The following AP2B1 variants were observed in gnomAD, a reference collection of about 807,000 sequenced individuals.
AP2B1 encodes adaptor related protein complex 2 subunit beta 1, also known as AP-2 complex subunit beta.
Under a neutral mutation model 102.0 loss-of-function variants are expected in AP2B1, and 23 were observed. The observed-to-expected ratio is 0.23, with a 90% confidence interval of 0.16 to 0.32. AP2B1 has a LOEUF of 0.32. AP2B1 is among the 10% of genes least tolerant of loss of function. The pLI, the probability that AP2B1 is intolerant of heterozygous loss-of-function variation, is 1.00. For synonymous variants in AP2B1, 381 were observed against 421.2 expected (o/e 0.90, Z 1.17); for missense variants, 541 against 1,157.4 (o/e 0.47, Z 7.73).
At chr17:35,631,286 T>C (rs895508524) in intron 9 of AP2B1, among the ~76,000 whole-genome samples, 3 of 152,152 alleles carry the variant, frequency 2.0e-5, no homozygotes, top group African/African-American at 7.2e-5. Flanking sequence ...GAATAAAATA[T>C]TGGTTTGTGT....
At chr17:35,662,294 T>A (rs2075373610) in intron 14 of AP2B1, among the ~76,000 whole-genome samples, 1 of 151,712 alleles carries the variant, frequency 6.6e-6, no homozygotes, top group African/African-American at 2.4e-5. Flanking sequence ...TTATCGCATT[T>A]CAGCATATTC....
rs920241941 is a variant in AP2B1 at position 35,725,765 on chromosome 17, A to G, written c.*2066A>G. ...TAGTGTTCTCATCTCAAAGCAAACT[A>G]TCATTCCAGAAGGAAAAGTGTGTCA... On this transcript the variant is annotated 3_prime_UTR_variant, in exon 22 of 22. Coordinates refer to ENST00000610402, the MANE Select transcript of AP2B1 (RefSeq NM_001030006.2). 1.3e-5 allele frequency: 2 copies of G among 152,620 alleles called. No individual in the cohort carries two copies. The highest frequency in any genetic ancestry group is 6.5e-5 in the Admixed American group (1 of 15,284). 9.5% of individuals were successfully genotyped at this position (152,620 alleles called of 1,614,324 possible). A position where few individuals can be genotyped will look rare whatever the true frequency, so the allele number is the denominator to read the frequency against.
At chr17:35,606,982 C>T (rs1437515299) in intron 4 of AP2B1, among the ~76,000 whole-genome samples, 2 of 151,662 alleles carry the variant, frequency 1.3e-5, no homozygotes, top group East Asian at 3.9e-4. Flanking sequence ...CTCAGCTCAC[C>T]ACAACCTCCG....
chr17:35,715,747 C>T (rs372761631), intron 20 of AP2B1, among the ~76,000 whole-genome samples: 1 of 152,188 alleles, frequency 6.6e-6, no homozygotes, highest in African/African-American at 2.4e-5. Context: ...TAGATGTACC[C>T]TGAGATACAT....
At chr17:35,669,723 A>G (rs1043441333) in intron 14 of AP2B1, among the ~76,000 whole-genome samples, 1 of 152,230 alleles carries the variant, frequency 6.6e-6, no homozygotes, top group Non-Finnish European at 1.5e-5. Flanking sequence ...CTGTTCATTG[A>G]GAAGATAAAT....
chr17:35,658,023 TA>T (rs1393010305), intron 14 of AP2B1, among the ~76,000 whole-genome samples: 1 of 152,206 alleles, frequency 6.6e-6, no homozygotes, highest in Non-Finnish European at 1.5e-5. Context: ...GTCCTGCCTC[TA>T]AATAGAACTT....
intron 3 of AP2B1, among the ~76,000 whole-genome samples, chr17:35,602,275 G>A (rs576972684): frequency 2.6e-5 from 4 of 152,302 alleles, no homozygotes; most frequent in Admixed American, 1.3e-4. Context: ...AGGCACTGAA[G>A]TGTATATTTT....
At chr17:35,705,141 G>A (rs956454961) in intron 18 of AP2B1, among the ~76,000 whole-genome samples, 1 of 152,212 alleles carries the variant, frequency 6.6e-6, no homozygotes, top group Admixed American at 6.5e-5. Flanking sequence ...GAAATAGGCT[G>A]GAGAGGTAGT....
chr17:35,719,880 G>A (rs1183112854), intron 21 of AP2B1, among the ~76,000 whole-genome samples: 1 of 152,072 alleles, frequency 6.6e-6, no homozygotes. Flanking sequence ...TCCTGTAAGT[G>A]ACCTGAGATG....
intron 2 of AP2B1, among the ~76,000 whole-genome samples, chr17:35,596,246 G>C (rs553759924): frequency 2.3e-4 from 35 of 152,164 alleles, no homozygotes; most frequent in Non-Finnish European, 1.6e-4. Context: ...CACTGTTCCC[G>C]GAAGTGAATG....
At chr17:35,610,749 T>G (rs1418558024) in intron 5 of AP2B1, among the ~76,000 whole-genome samples, 1 of 151,494 alleles carries the variant, frequency 6.6e-6, no homozygotes, top group Non-Finnish European at 1.5e-5. Context: ...CTACTAAAAA[T>G]ACAAAAAATT....
intron 14 of AP2B1, among the ~76,000 whole-genome samples, chr17:35,662,242 A>G (rs547128614): frequency 6.6e-6 from 1 of 152,178 alleles, no homozygotes; most frequent in South Asian, 2.1e-4. Context: ...ATGGATTTCT[A>G]CCTATTCTTT....
At chr17:35,596,987 G>A (rs1480527466) in intron 2 of AP2B1, 1 of 658,800 alleles carries the variant, frequency 1.5e-6, no homozygotes, top group Non-Finnish European at 2.9e-6. Context: ...CTTTCGGAGA[G>A]GAGCCTGGCG....
chr17:35,640,992 T>C (rs918207641), intron 11 of AP2B1, among the ~76,000 whole-genome samples: 3 of 152,316 alleles, frequency 2.0e-5, no homozygotes, highest in Middle Eastern at 3.4e-3. Flanking sequence ...TATTAAGCCC[T>C]TTTTTCTTGG....
At chr17:35,596,725 C>T (rs117098362) in intron 2 of AP2B1, among the ~76,000 whole-genome samples, 2,675 of 152,210 alleles carry the variant, frequency 0.018, 31 homozygotes, top group Middle Eastern at 0.072. Flanking sequence ...TAGAAGCCCA[C>T]GGCGGCGCAC....
At chr17:35,650,884 G>A (rs530790879) in intron 13 of AP2B1, 95 bp downstream of exon 13, 1 of 1,422,622 alleles carries the variant, frequency 7.0e-7, no homozygotes, top group African/African-American at 1.4e-5. Context: ...AAGAACTGCT[G>A]TACATTTTTG....
chr17:35,628,294 C>G (rs997385761), intron 9 of AP2B1, among the ~76,000 whole-genome samples: 7 of 152,300 alleles, frequency 4.6e-5, no homozygotes, highest in Non-Finnish European at 1.0e-4. Flanking sequence ...CATGACTGGG[C>G]TGCCATATCT....
At position 35,624,501 on chromosome 17, in the gene AP2B1, C is replaced by A; in HGVS notation, c.630C>A (p.Ala210=). Residue 210 remains alanine (A), a synonymous_variant, in exon 6 of 22, where the codon GCC becomes GCA. Transcript: ENST00000610402. ...NPQNINKLLT[A]LNECTEWGQI... ...AGAACATTAATAAGCTGCTGACAGCCCTGAATGAATGCACTGAATGGGGCC... is the reference window on the plus strand; with the variant it reads ...AGAACATTAATAAGCTGCTGACAGCACTGAATGAATGCACTGAATGGGGCC... 1.2e-6 allele frequency: 2 copies of A among 1,614,140 alleles called. No homozygotes were observed. The highest frequency in any genetic ancestry group is 1.7e-6 in the Non-Finnish European group (2 of 1,179,994).
intron 5 of AP2B1, among the ~76,000 whole-genome samples, chr17:35,614,158 C>A (rs2073946359): frequency 6.6e-6 from 1 of 152,018 alleles, no homozygotes; most frequent in Non-Finnish European, 1.5e-5. Flanking sequence ...ACAGCCCCAC[C>A]ATATGTGCTT....
Sources: allele counts gnomAD v4.1 joint callset (sites outside exome capture counted in the v4.1 genomes callset), GRCh38; gene constraint gnomAD v4.1.1; transcripts MANE v1.5; gene names NCBI Gene and HGNC (gene_info 2026-07-23, HGNC 2026-07-21).